The following CTNNA3 variants were observed in gnomAD, a reference collection of about 807,000 sequenced individuals.
CTNNA3 encodes the protein catenin alpha-3.
A neutral mutation model predicts 95.7 loss-of-function variants in CTNNA3; 76 were observed. That is an observed-to-expected ratio of 0.79 (90% CI 0.66 to 0.96). The LOEUF is 0.96. CTNNA3 is among the 40% of genes least tolerant of loss of function. The probability of loss-of-function intolerance (pLI) is 0.00; values close to 1 mark genes in which losing one functional copy is unlikely to be tolerated. For synonymous variants in CTNNA3, 431 were observed against 374.4 expected, an observed-to-expected ratio of 1.15 and a Z score of -1.74; for missense variants, 1,191 against 1,089.8, an observed-to-expected ratio of 1.09 and a Z score of -1.31.
intron 4 of CTNNA3, 35 bp from the exon 5 acceptor site, chr10:67,521,996 G>A: frequency 1.9e-6 from 3 of 1,583,318 alleles, no homozygotes; most frequent in South Asian, 2.3e-5. Flanking sequence ...CATTAGGATA[G>A]CAGCAGATTT....
intron 13 of CTNNA3, among the ~76,000 whole-genome samples, chr10:66,278,596 G>A (rs2091439700): frequency 6.6e-6 from 1 of 152,114 alleles, no homozygotes. Flanking sequence ...AATTTGATTT[G>A]CTATAAGTAA....
Position 67,131,721 on chromosome 10 carries a change from C to T in CTNNA3, c.1047+48596G>A, listed in dbSNP as rs530476138. 7.2e-5 allele frequency among the ~76,000 whole-genome samples: 11 copies of T among 152,066 alleles called. No homozygotes were observed. The South Asian group carries it at 2.1e-3, about 29-fold the overall frequency. ...CTCAAAAATTATTTAAAAATAACCC[C>T]AGAAAGTCCTGAGCAGAGGAAAAAA... On this transcript the variant is annotated intron_variant, in intron 7 of 17. Transcript: ENST00000433211.
At chr10:66,201,597 T>A (rs1206702824) in intron 13 of CTNNA3, among the ~76,000 whole-genome samples, 3 of 152,172 alleles carry the variant, frequency 2.0e-5, no homozygotes, top group Non-Finnish European at 4.4e-5. Flanking sequence ...ACTTCTTTTA[T>A]CTACTCTCTC....
At chr10:66,035,787 A>C (rs2079550963) in intron 15 of CTNNA3, among the ~76,000 whole-genome samples, 1 of 152,112 alleles carries the variant, frequency 6.6e-6, no homozygotes. Context: ...GAAGTCTAGA[A>C]AGAATTTTGT....
intron 17 of CTNNA3, among the ~76,000 whole-genome samples, chr10:65,943,553 G>A (rs932570691): frequency 3.3e-5 from 5 of 152,102 alleles, no homozygotes; most frequent in African/African-American, 1.2e-4. Context: ...TGAATGGTAG[G>A]GCGTGGACAC....
At chr10:66,061,876 A>C (rs10509253) in intron 15 of CTNNA3, among the ~76,000 whole-genome samples, 35,574 of 152,070 alleles carry the variant, frequency 0.23, 4,194 homozygotes, top group Admixed American at 0.26. Flanking sequence ...AACATTTAAC[A>C]GTTTAACAAC....
At chr10:66,778,262 T>G (rs1435941195) in intron 7 of CTNNA3, among the ~76,000 whole-genome samples, 1 of 152,200 alleles carries the variant, frequency 6.6e-6, no homozygotes, top group Non-Finnish European at 1.5e-5. Context: ...AGCCATTTTA[T>G]GCCTCTTTAT....
chr10:66,564,004 G>C (rs1240137400), intron 10 of CTNNA3, among the ~76,000 whole-genome samples: 3 of 151,978 alleles, frequency 2.0e-5, no homozygotes, highest in Non-Finnish European at 4.4e-5. Context: ...AAACCAAGCT[G>C]TACCTCCACC....
chr10:67,538,579 CA>C (rs201934941), intron 4 of CTNNA3, among the ~76,000 whole-genome samples: 53 of 112,844 alleles, frequency 4.7e-4, no homozygotes, highest in Admixed American at 5.7e-4. Flanking sequence ...GACTCCATCT[CA>C]AAAAAAAAAA....
At chr10:66,918,747 T>C (rs973675489) in intron 7 of CTNNA3, among the ~76,000 whole-genome samples, 18 of 152,182 alleles carry the variant, frequency 1.2e-4, no homozygotes, top group African/African-American at 3.4e-4. Context: ...TTAGGTATAA[T>C]AATGCTAGAT....
At chr10:67,523,372 T>C (rs1321908912) in intron 4 of CTNNA3, among the ~76,000 whole-genome samples, 1 of 152,212 alleles carries the variant, frequency 6.6e-6, no homozygotes, top group Non-Finnish European at 1.5e-5. Flanking sequence ...AGGTACTTGA[T>C]GCTTTCCAAT....
chr10:67,581,166 G>T (rs928139146), intron 3 of CTNNA3, among the ~76,000 whole-genome samples: 1 of 151,994 alleles, frequency 6.6e-6, no homozygotes, highest in South Asian at 2.1e-4. Flanking sequence ...TCCGGTTTTC[G>T]CCCATTCAGT....
At chr10:66,691,453 C>T (rs184819603) in intron 9 of CTNNA3, among the ~76,000 whole-genome samples, 47 of 152,290 alleles carry the variant, frequency 3.1e-4, no homozygotes, top group African/African-American at 9.1e-4. Flanking sequence ...ACAAAGCATC[C>T]GGGAAGCTCG....
rs115702425 is a variant in CTNNA3 at position 66,623,089 on chromosome 10, G to T, written c.1282-1305C>A. ...TTTCTGACACATAATTAGCACATTT[G>T]TGAGTTGTTTGAAAAGGGCAACAGT... On this transcript the variant is annotated intron_variant, in intron 9 of 17. Coordinates refer to ENST00000433211, the MANE Select transcript of CTNNA3 (RefSeq NM_013266.4). Among the ~76,000 whole-genome samples, 200 of 152,086 alleles carry T rather than the reference G, an allele frequency of 1.3e-3. 3 individuals carry two copies. The highest frequency in any genetic ancestry group is 4.7e-3 in the African/African-American group (196 of 41,466).
At chr10:66,218,002 G>C (rs1316420926) in intron 13 of CTNNA3, among the ~76,000 whole-genome samples, 1 of 152,188 alleles carries the variant, frequency 6.6e-6, no homozygotes, top group East Asian at 1.9e-4. Context: ...ACTGTTTTCA[G>C]AGGGGAGGAG....
chr10:66,367,883 T>TAATA (rs1564903306), intron 12 of CTNNA3, among the ~76,000 whole-genome samples: 18 of 12,670 alleles, frequency 1.4e-3, no homozygotes, highest in African/African-American at 4.3e-3. Flanking sequence ...TAATAATAAT[T>TAATA]ATTATTATTA....
At chr10:66,949,105 C>T (rs1188967205) in intron 7 of CTNNA3, among the ~76,000 whole-genome samples, 2 of 152,098 alleles carry the variant, frequency 1.3e-5, no homozygotes, top group African/African-American at 4.8e-5. Flanking sequence ...TGATAACATT[C>T]CTAAAGTATT....
intron 11 of CTNNA3, among the ~76,000 whole-genome samples, chr10:66,509,373 A>C (rs1347612849): frequency 6.6e-6 from 1 of 152,000 alleles, no homozygotes; most frequent in Non-Finnish European, 1.5e-5. Flanking sequence ...GCTGTGTAGA[A>C]GCTTTGTAGT....
At chr10:67,296,135 T>G (rs1589136354) in intron 5 of CTNNA3, among the ~76,000 whole-genome samples, 1 of 152,236 alleles carries the variant, frequency 6.6e-6, no homozygotes, top group South Asian at 2.1e-4. Context: ...AAATTTATAT[T>G]ATCTCAGCAA....
Sources: gnomAD v4.1 joint callset for allele counts (sites outside exome capture counted in the v4.1 genomes callset) on GRCh38, gnomAD v4.1.1 for gene constraint, MANE v1.5 for transcripts, NCBI Gene and HGNC (gene_info 2026-07-23, HGNC 2026-07-21) for gene names.